Variants in GABRG3 observed in about 807,000 individuals in gnomAD.
GABRG3 encodes gamma-aminobutyric acid receptor subunit gamma-3.
Under a neutral mutation model 48.8 loss-of-function variants are expected in GABRG3, and 25 were observed. The observed-to-expected ratio is 0.51, with a 90% CI of 0.37 to 0.72. The LOEUF (loss-of-function observed/expected upper bound fraction) is 0.72, where lower values mean the gene tolerates loss of function less well. GABRG3 is among the 30% of genes least tolerant of loss of function. The pLI, the probability that GABRG3 is intolerant of heterozygous loss-of-function variation, is 0.00. For synonymous variants in GABRG3, 227 were observed against 217.6 expected (o/e 1.04, Z -0.38); for missense variants, 394 against 577.9 (o/e 0.68, Z 3.26).
intron 3 of GABRG3, among the ~76,000 whole-genome samples, chr15:27,066,109 T>A (rs1002385281): frequency 1.3e-5 from 2 of 152,246 alleles, no homozygotes; most frequent in African/African-American, 4.8e-5. Flanking sequence ...AAACATTAGA[T>A]GTCTGGAAAA....
chr15:27,172,737 C>T (rs1887613570), intron 3 of GABRG3, among the ~76,000 whole-genome samples: 1 of 152,124 alleles, frequency 6.6e-6, no homozygotes. Flanking sequence ...CCCTTTTAGT[C>T]AAGTTAAATA....
intron 6 of GABRG3, among the ~76,000 whole-genome samples, chr15:27,501,147 T>A (rs920128004): frequency 6.6e-6 from 1 of 152,010 alleles, no homozygotes; most frequent in Non-Finnish European, 1.5e-5. Flanking sequence ...GAGACAGGGT[T>A]TCACCGTGTT....
At chr15:27,111,511 G>T (rs768662711) in intron 3 of GABRG3, among the ~76,000 whole-genome samples, 1 of 152,182 alleles carries the variant, frequency 6.6e-6, no homozygotes, top group Non-Finnish European at 1.5e-5. Flanking sequence ...TGTAGGGTGA[G>T]GTTTCTCGCT....
chr15:27,492,939 A>G (rs1029601173), intron 6 of GABRG3, among the ~76,000 whole-genome samples: 1 of 77,074 alleles, frequency 1.3e-5, no homozygotes, highest in South Asian at 3.6e-4. Context: ...AGGTAAAAAT[A>G]GTTGTATAAA....
At chr15:27,297,020 TG>T (rs1332704060) in intron 3 of GABRG3, among the ~76,000 whole-genome samples, 1 of 152,098 alleles carries the variant, frequency 6.6e-6, no homozygotes, top group Non-Finnish European at 1.5e-5. Context: ...ATCCTGACCC[TG>T]TGTAGGCCTA....
chr15:26,981,171 C>T (rs1200004759), intron 2 of GABRG3, among the ~76,000 whole-genome samples: 1 of 152,194 alleles, frequency 6.6e-6, no homozygotes, highest in African/African-American at 2.4e-5. Context: ...AAATTTTACT[C>T]TTGAAGAGGG....
At chr15:27,371,810 A>C (rs946203877) in intron 5 of GABRG3, among the ~76,000 whole-genome samples, 8 of 136,648 alleles carry the variant, frequency 5.9e-5, no homozygotes, top group African/African-American at 2.1e-4. Flanking sequence ...ATATTTTAGA[A>C]AACACAAAAT....
rs1897832897 is a variant in GABRG3, at chr15:27,126,998, T to C, written c.270+100177T>C. ...CATGGCCAGCGGAGAGATTGGAAAA[T>C]AGATTTTTAATAGTATACATTGCTG... On this transcript the variant is annotated intron_variant, in intron 3 of 9. Coordinates refer to ENST00000615808, the MANE Select transcript of GABRG3 (RefSeq NM_033223.5). Among the ~76,000 whole-genome samples, 4 of 152,202 alleles carry C rather than the reference T, an allele frequency of 2.6e-5. No individual in the cohort carries two copies. The Middle Eastern group carries it at 0.014, about 518-fold the overall frequency.
intron 3 of GABRG3, among the ~76,000 whole-genome samples, chr15:27,201,413 GAA>G (rs1231172075): frequency 6.6e-6 from 1 of 151,154 alleles, no homozygotes; most frequent in Non-Finnish European, 1.5e-5. Context: ...AGAGAGAAGA[GAA>G]AGAGAAGAAG....
At chr15:27,245,024 T>A (rs1890229507) in intron 3 of GABRG3, among the ~76,000 whole-genome samples, 1 of 152,174 alleles carries the variant, frequency 6.6e-6, no homozygotes, top group African/African-American at 2.4e-5. Context: ...TCTGCAGACA[T>A]CTCACGGGTC....
chr15:27,345,008 A>C (rs927286863), intron 5 of GABRG3, among the ~76,000 whole-genome samples: 1 of 152,180 alleles, frequency 6.6e-6, no homozygotes, highest in Admixed American at 6.5e-5. Context: ...AAATTAATAT[A>C]GCTTTCTAAC....
chr15:27,009,602 A>C (rs930426530), intron 2 of GABRG3, among the ~76,000 whole-genome samples: 2 of 152,192 alleles, frequency 1.3e-5, no homozygotes, highest in African/African-American at 4.8e-5. Context: ...CTCATGTTCT[A>C]AATGCTCAGG....
At chr15:27,388,572 C>T (rs958728067) in intron 5 of GABRG3, among the ~76,000 whole-genome samples, 1 of 152,104 alleles carries the variant, frequency 6.6e-6, no homozygotes, top group South Asian at 2.1e-4. Context: ...ACCACAGAAT[C>T]GGTCCTTGGC....
intron 5 of GABRG3, among the ~76,000 whole-genome samples, chr15:27,455,112 ATTC>A (rs1181426887): frequency 1.3e-5 from 2 of 152,204 alleles, no homozygotes; most frequent in Non-Finnish European, 2.9e-5. Flanking sequence ...TAAAGAGAAT[ATTC>A]TTTTCATTGA....
intron 3 of GABRG3, among the ~76,000 whole-genome samples, chr15:27,299,812 G>A (rs1044386685): frequency 1.3e-5 from 2 of 152,104 alleles, no homozygotes; most frequent in African/African-American, 4.8e-5. Context: ...TGACAGAGAG[G>A]GGGTAACCAG....
At chr15:27,093,045 C>T (rs889058162) in intron 3 of GABRG3, among the ~76,000 whole-genome samples, 27 of 152,054 alleles carry the variant, frequency 1.8e-4, no homozygotes, top group African/African-American at 6.3e-4. Flanking sequence ...CCCACGGACT[C>T]CTCTAGACAG....
At chr15:27,504,303 C>T (rs185754111) in intron 6 of GABRG3, among the ~76,000 whole-genome samples, 1,804 of 151,690 alleles carry the variant, frequency 0.012, 33 homozygotes, top group African/African-American at 0.042. Context: ...CTTCTTCTAC[C>T]TTCTTTCATA....
intron 3 of GABRG3, among the ~76,000 whole-genome samples, chr15:27,209,622 G>A (rs998970844): frequency 2.6e-5 from 4 of 152,204 alleles, no homozygotes; most frequent in African/African-American, 9.6e-5. Context: ...GTGCTGGGCT[G>A]TGCCCAGGTG....
rs114042328 is a variant in GABRG3 at position 27,358,108 on chromosome 15, G to A, written c.574+29220G>A. On this transcript the variant is annotated intron_variant, in intron 5 of 9. Transcript: ENST00000615808. ...CTACCAGACTCATGAAGGTGGATAC[G>A]AGCTTTCCAAAATTCCAATTTCCAC... Among the ~76,000 whole-genome samples the A allele has an allele frequency of 2.1e-3, 318 of 152,220 alleles. 2 individuals carry two copies. The highest frequency in any genetic ancestry group is 7.0e-3 in the African/African-American group (289 of 41,540).
Sources: allele counts gnomAD v4.1 joint callset (sites outside exome capture counted in the v4.1 genomes callset), GRCh38; gene constraint gnomAD v4.1.1; transcripts MANE v1.5; gene names NCBI Gene and HGNC (gene_info 2026-07-23, HGNC 2026-07-21).